Variants in BARX2 observed in about 807,000 individuals in gnomAD.
BARX2 encodes BARX homeobox 2, also known as homeobox protein BarH-like 2.
Under a neutral mutation model 25.5 loss-of-function variants are expected in BARX2, and 11 were observed. The ratio of observed to expected loss-of-function variants is 0.43; its 90% CI spans 0.27 to 0.71. The LOEUF is 0.71. BARX2 is among the 30% of genes least tolerant of loss of function. The pLI is 0.19. For missense variants in BARX2, 360 were observed against 359.9 expected (o/e 1.00, Z 0.00); for synonymous variants, 137 against 149.5 (o/e 0.92, Z 0.61).
At chr11:129,388,443 A>C (rs571386090) in intron 1 of BARX2, among the ~76,000 whole-genome samples, 1 of 152,300 alleles carries the variant, frequency 6.6e-6, no homozygotes, top group African/African-American at 2.4e-5. Context: ...TGCTTCCATC[A>C]GCTGTCATTC....
intron 1 of BARX2, among the ~76,000 whole-genome samples, chr11:129,425,690 G>T (rs1010537937): frequency 2.6e-5 from 4 of 152,160 alleles, no homozygotes; most frequent in African/African-American, 9.7e-5. Flanking sequence ...GCAGGGATAA[G>T]GTGATAAGAC....
intron 1 of BARX2, among the ~76,000 whole-genome samples, chr11:129,391,748 G>C (rs1861668036): frequency 6.6e-6 from 1 of 152,022 alleles, no homozygotes; most frequent in Admixed American, 6.6e-5. Flanking sequence ...CGGAGAGGGG[G>C]GTCAAAAATA....
rs374579319 is a variant in BARX2 at position 129,381,109 on chromosome 11, C to T, written c.187+4887C>T. 8.5e-5 allele frequency among the ~76,000 whole-genome samples: 13 copies of T among 152,238 alleles called. No individual in the cohort carries two copies. In the South Asian group the frequency reaches 1.2e-3, roughly 15 times the overall value. On this transcript the variant is annotated intron_variant, in intron 1 of 3. Transcript: ENST00000281437. ...TTTTAACTCATGAATAGTTCATTAGCGGTGTCTTCTCTGGCTCTGATTTTT... is the reference window on the plus strand; with the variant it reads ...TTTTAACTCATGAATAGTTCATTAGTGGTGTCTTCTCTGGCTCTGATTTTT...
Position 129,391,823 on chromosome 11 carries a change from C to T in BARX2, c.187+15601C>T, listed in dbSNP as rs567920971. Among the ~76,000 whole-genome samples the T allele has an allele frequency of 2.2e-4, 33 of 152,270 alleles. No homozygotes were observed. The South Asian group carries it at 5.4e-3, about 25-fold the overall frequency. On this transcript the variant is annotated intron_variant, in intron 1 of 3. Transcript: ENST00000281437. ...GACTTTCTCTTTGCTGCTGCAGCCC[C>T]GACCGGTTTTCCCAGGGGGAATCTG...
At chr11:129,439,959 C>T (rs1292534954) in intron 2 of BARX2, among the ~76,000 whole-genome samples, 1 of 152,080 alleles carries the variant, frequency 6.6e-6, no homozygotes, top group African/African-American at 2.4e-5. Context: ...CCTGGGGCTC[C>T]CTGATACCTG....
chr11:129,391,724 C>G (rs1306747865), intron 1 of BARX2, among the ~76,000 whole-genome samples: 1 of 152,118 alleles, frequency 6.6e-6, no homozygotes, highest in African/African-American at 2.4e-5. Context: ...AGAAGTAACA[C>G]AGGATTTTCT....
chr11:129,430,848 T>C (rs1862120403), intron 1 of BARX2, among the ~76,000 whole-genome samples: 1 of 152,188 alleles, frequency 6.6e-6, no homozygotes, highest in African/African-American at 2.4e-5. Flanking sequence ...CATCCACTAT[T>C]CATCAAGTTT....
intron 1 of BARX2, among the ~76,000 whole-genome samples, chr11:129,403,184 G>A (rs977153026): frequency 2.0e-5 from 3 of 152,216 alleles, no homozygotes; most frequent in African/African-American, 7.2e-5. Context: ...CCCCAGTCAG[G>A]TGGCCACTGT....
rs573932722 is a variant in BARX2 at position 129,424,151 on chromosome 11, C to A, written c.188-12600C>A. Among the ~76,000 whole-genome samples, 6 of 152,306 alleles carry A rather than the reference C, an allele frequency of 3.9e-5. No homozygotes were observed. The East Asian group carries it at 1.2e-3, about 29-fold the overall frequency. On this transcript the variant is annotated intron_variant, in intron 1 of 3. Coordinates refer to ENST00000281437, the MANE Select transcript of BARX2 (RefSeq NM_003658.5). ...GCATGAGCCACTGCGCCCAGTCCAT[C>A]CTCTTGTTTCTTAAATCTTTCTTCT...
At chr11:129,384,980 C>A (rs1263462545) in intron 1 of BARX2, among the ~76,000 whole-genome samples, 1 of 151,936 alleles carries the variant, frequency 6.6e-6, no homozygotes, top group Non-Finnish European at 1.5e-5. Context: ...TCTTATGAAG[C>A]AATAAGAAAA....
chr11:129,380,265 G>T (rs1861548827), intron 1 of BARX2, among the ~76,000 whole-genome samples: 1 of 152,104 alleles, frequency 6.6e-6, no homozygotes, highest in Non-Finnish European at 1.5e-5. Context: ...TATCTTTTAG[G>T]AGGTGGCATC....
At chr11:129,433,252 C>T (rs1221069781) in intron 1 of BARX2, among the ~76,000 whole-genome samples, 1 of 152,152 alleles carries the variant, frequency 6.6e-6, no homozygotes, top group African/African-American at 2.4e-5. Context: ...TCATACCTGA[C>T]ATTCAGTCCT....
At chr11:129,419,481 G>A (rs1177340403) in intron 1 of BARX2, among the ~76,000 whole-genome samples, 4 of 152,156 alleles carry the variant, frequency 2.6e-5, no homozygotes, top group African/African-American at 4.8e-5. Context: ...GGGAGGTAGC[G>A]TGATATATAC....
chr11:129,451,091 A>G, intron 3 of BARX2, 45 bp from the exon 4 acceptor site: 4 of 1,592,386 alleles, frequency 2.5e-6, no homozygotes, highest in Middle Eastern at 1.7e-4. Flanking sequence ...AGGTGGAGGG[A>G]AGGAATTATT....
chr11:129,447,143 T>C (rs1222436595), intron 3 of BARX2, among the ~76,000 whole-genome samples: 2 of 152,208 alleles, frequency 1.3e-5, no homozygotes, highest in African/African-American at 4.8e-5. Context: ...TCTTTGATAC[T>C]GACAAACTCT....
At position 129,437,057 on chromosome 11, in the gene BARX2, G is replaced by A. The variant is rs1862199954; in HGVS notation, c.488+6G>A. 7 of 1,549,302 alleles carry A rather than the reference G, an allele frequency of 4.5e-6. No individual in the cohort carries two copies. The highest frequency in any genetic ancestry group is 2.5e-5 in the South Asian group (2 of 81,210). On this transcript the variant is annotated splice_donor_region_variant and intron_variant, in intron 2 of 3. Transcript: ENST00000281437. The stretch of plus-strand genomic sequence containing the variant: ...TATTTGTCAACCCCAGACAGGTGAG[G>A]ACGCAGGGAAGGGACTCTCCGCAGT...
intron 1 of BARX2, among the ~76,000 whole-genome samples, chr11:129,432,889 TG>T (rs1306341449): frequency 6.6e-6 from 1 of 152,192 alleles, no homozygotes; most frequent in Admixed American, 6.5e-5. Flanking sequence ...CCCTCCTCAG[TG>T]TCTTTGGCCG....
At chr11:129,426,408 T>C (rs1215039029) in intron 1 of BARX2, among the ~76,000 whole-genome samples, 4 of 151,958 alleles carry the variant, frequency 2.6e-5, no homozygotes, top group Admixed American at 6.6e-5. Flanking sequence ...AGTCTCACTC[T>C]GTTGCCCAGG....
intron 1 of BARX2, among the ~76,000 whole-genome samples, chr11:129,431,967 A>G (rs1862134092): frequency 6.6e-6 from 1 of 150,402 alleles, no homozygotes; most frequent in Non-Finnish European, 1.5e-5. Context: ...TTATGAGGTC[A>G]AGGCTCTTAT....
Sources: allele counts gnomAD v4.1 joint callset (sites outside exome capture counted in the v4.1 genomes callset), GRCh38; gene constraint gnomAD v4.1.1; transcripts MANE v1.5; gene names NCBI Gene and HGNC (gene_info 2026-07-23, HGNC 2026-07-21).